TXNL4A: variants seen among roughly 807,000 people sequenced by gnomAD.
TXNL4A encodes the protein thioredoxin-like protein 4A.
TXNL4A carries 17 observed loss-of-function variants against 14.6 expected under a neutral mutation model. That is an observed-to-expected ratio of 1.16 (90% CI 0.80 to 1.74). TXNL4A has a LOEUF of 1.74. Among genes scored for constraint, TXNL4A ranks in the 40% most tolerant of loss-of-function variants. The pLI is 0.00. For synonymous variants in TXNL4A, 83 were observed against 70.6 expected (o/e 1.18, Z -0.88); for missense variants, 74 against 195.2 (o/e 0.38, Z 3.70).
chr18:80,003,172 G>A (rs561401605), intron 1 of TXNL4A, among the ~76,000 whole-genome samples: 69 of 152,348 alleles, frequency 4.5e-4, no homozygotes, highest in African/African-American at 1.6e-3. Context: ...CTCTGTGGAT[G>A]ACATTTCCTC....
chr18:79,988,780 A>G (rs2145091616), upstream of TXNL4A, among the ~76,000 whole-genome samples: 1 of 151,736 alleles, frequency 6.6e-6, no homozygotes, highest in East Asian at 2.0e-4. Flanking sequence ...GGTCCTGAGA[A>G]GCCCCGGGCT....
chr18:80,022,432 T>A (rs938468272), intron 1 of TXNL4A, among the ~76,000 whole-genome samples: 1 of 152,260 alleles, frequency 6.6e-6, no homozygotes, highest in Admixed American at 6.5e-5. Flanking sequence ...AGAAAACCTG[T>A]ACACTGGGAA....
upstream of TXNL4A, among the ~76,000 whole-genome samples, chr18:79,989,621 C>G (rs2051610528): frequency 1.3e-5 from 2 of 152,204 alleles, no homozygotes; most frequent in African/African-American, 4.8e-5. Flanking sequence ...CTGGAGACTC[C>G]CTGGTTTGCA....
chr18:80,015,503 C>T (rs528800481), intron 1 of TXNL4A, among the ~76,000 whole-genome samples: 1 of 151,604 alleles, frequency 6.6e-6, no homozygotes, highest in South Asian at 2.1e-4. Flanking sequence ...TAATGCTATC[C>T]CTCCCCCCTA....
intron 1 of TXNL4A, among the ~76,000 whole-genome samples, chr18:79,987,809 G>C (rs2051575493): frequency 6.6e-6 from 1 of 152,140 alleles, no homozygotes; most frequent in Non-Finnish European, 1.5e-5. Flanking sequence ...CAGAAAAGCA[G>C]GATTTCTCAT....
rs1243436696 is a variant in TXNL4A at position 79,971,719 on chromosome 18, A to AG, written c.*1965_*1966insC. The AG allele has an allele frequency of 6.6e-6, 1 of 152,220 alleles. No homozygotes were observed. The highest frequency in any genetic ancestry group is 2.4e-5 in the African/African-American group (1 of 41,458). The allele number at this position is 152,220 out of a possible 1,614,324, so 9.4% of individuals were successfully genotyped here. On this transcript the variant is annotated 3_prime_UTR_variant, in exon 3 of 3. Coordinates refer to ENST00000269601, the MANE Select transcript of TXNL4A (RefSeq NM_006701.5). ...GGCTCCAATTTCTCCACATCCTTGCAAACGCTTGTTGCGATCTTTTTGTAT... is the reference window on the plus strand; with the variant it reads ...GGCTCCAATTTCTCCACATCCTTGCAGAACGCTTGTTGCGATCTTTTTGTAT...
In TXNL4A at chr18:79,988,334, G is replaced by T; in HGVS notation, c.59C>A (p.Ser20Ter). ...GATGACGACCACGCGGTCCTCCTCCGAGAGGATGGCCTGGTCCACCTGCCA... is the reference window on the plus strand; with the variant it reads ...GATGACGACCACGCGGTCCTCCTCCTAGAGGATGGCCTGGTCCACCTGCCA... ...NGWQVDQAILSEEDRVVVIRF... is the reference protein window; with the variant it reads ...NGWQVDQAIL The change falls in exon 1 of 3, where the codon TCG becomes TAG. Residue 20 changes from serine (S) to a stop codon, truncating the protein, a stop_gained. Coordinates refer to ENST00000269601, the MANE Select transcript of TXNL4A (RefSeq NM_006701.5). LOFTEE classifies it high-confidence loss of function. 1 of 1,586,434 alleles carries T rather than the reference G, an allele frequency of 6.3e-7. No individual in the cohort carries two copies.
chr18:80,003,104 ACT>A (rs1225038578), intron 1 of TXNL4A, among the ~76,000 whole-genome samples: 3 of 152,254 alleles, frequency 2.0e-5, no homozygotes, highest in Non-Finnish European at 1.5e-5. Context: ...AAGCTTACGC[ACT>A]GACTGCGGCT....
intron 2 of TXNL4A, among the ~76,000 whole-genome samples, chr18:79,976,390 C>T (rs1004155502): frequency 1.3e-5 from 2 of 152,230 alleles, no homozygotes; most frequent in Non-Finnish European, 2.9e-5. Context: ...CATGCCAGTG[C>T]TGGCTTTGAG....
intron 1 of TXNL4A, among the ~76,000 whole-genome samples, chr18:80,032,437 G>A (rs1353727800): frequency 5.9e-5 from 9 of 152,198 alleles, no homozygotes; most frequent in African/African-American, 1.9e-4. Context: ...ACTGGGTCAC[G>A]CAAACCTGTC....
chr18:80,015,505 TC>T (rs986706074), intron 1 of TXNL4A, among the ~76,000 whole-genome samples: 1 of 150,576 alleles, frequency 6.6e-6, no homozygotes, highest in Non-Finnish European at 1.5e-5. Context: ...ATGCTATCCC[TC>T]CCCCCTACCC....
Position 80,001,091 on chromosome 18 carries a change from G to A in TXNL4A, c.-60-23390C>T, listed in dbSNP as rs765414018. On this transcript the variant is annotated intron_variant, in intron 1 of 2. Coordinates refer to the TXNL4A transcript ENST00000585474. ...GCCCAGGGCCCCCCTGCTGTGTGCA[G>A]TCTAGTAAGGACTTGGTGCCCTGTG... Among the ~76,000 whole-genome samples, 3 of 152,236 alleles carry A rather than the reference G, an allele frequency of 2.0e-5. No individual in the cohort carries two copies. In the South Asian group the frequency reaches 6.2e-4, roughly 32 times the overall value.
intron 1 of TXNL4A, among the ~76,000 whole-genome samples, chr18:80,028,092 A>AACTGCCTTTCTCCCTTTTCACAC (rs2051896783): frequency 1.3e-5 from 2 of 151,758 alleles, no homozygotes; most frequent in Non-Finnish European, 2.9e-5. Context: ...CCAAACTACA[A>AACTGCCTTTCTCCCTTTTCACAC]ACTGCCTTTC....
intron 1 of TXNL4A, among the ~76,000 whole-genome samples, chr18:79,978,538 G>A (rs1406270767): frequency 6.6e-6 from 1 of 152,152 alleles, no homozygotes; most frequent in Non-Finnish European, 1.5e-5. Context: ...CTGCTGCCCA[G>A]GCTGGAGTGC....
At chr18:80,003,816 C>A (rs911859022) in intron 1 of TXNL4A, among the ~76,000 whole-genome samples, 8 of 152,190 alleles carry the variant, frequency 5.3e-5, no homozygotes, top group Non-Finnish European at 8.8e-5. Context: ...AAGGCAGGTA[C>A]CCTCTCCACA....
chr18:80,010,757 G>A (rs956581477), intron 1 of TXNL4A, among the ~76,000 whole-genome samples: 6 of 152,176 alleles, frequency 3.9e-5, no homozygotes, highest in African/African-American at 9.7e-5. Flanking sequence ...ACAACGCCAC[G>A]TGCTAGTTCC....
chr18:80,031,219 C>T (rs1046819236), intron 1 of TXNL4A, among the ~76,000 whole-genome samples: 8 of 152,158 alleles, frequency 5.3e-5, no homozygotes, highest in African/African-American at 1.9e-4. Context: ...GAAATCACAC[C>T]CAGGACCTGT....
chr18:79,980,501 C>A (rs913903412), intron 1 of TXNL4A, among the ~76,000 whole-genome samples: 3 of 151,984 alleles, frequency 2.0e-5, no homozygotes, highest in African/African-American at 7.3e-5. Context: ...AAAATACCAG[C>A]AATTGTTGAA....
chr18:80,013,667 A>G (rs931913644), intron 1 of TXNL4A, among the ~76,000 whole-genome samples: 4 of 150,072 alleles, frequency 2.7e-5, no homozygotes, highest in African/African-American at 9.8e-5. Context: ...GCTGGTCTCG[A>G]ACTCCTGACC....
Sources: gnomAD v4.1 joint callset for allele counts (sites outside exome capture counted in the v4.1 genomes callset) on GRCh38, gnomAD v4.1.1 for gene constraint, MANE v1.5 for transcripts, NCBI Gene and HGNC (gene_info 2026-07-23, HGNC 2026-07-21) for gene names.